GLI3: variants seen among roughly 807,000 people sequenced by gnomAD.
The protein encoded by GLI3 is transcription activator GLI3.
A neutral mutation model predicts 100.8 loss-of-function variants in GLI3; 20 were observed. That is an observed-to-expected ratio of 0.20 (90% CI 0.14 to 0.29). The LOEUF is 0.29. Ranked by LOEUF, GLI3 falls within the 10% of genes least tolerant of loss-of-function variation. GLI3 has a pLI of 1.00. For synonymous variants in GLI3, 938 were observed against 860.5 expected, an observed-to-expected ratio of 1.09 and a Z score of -1.58; for missense variants, 2,040 against 2,128.5, an observed-to-expected ratio of 0.96 and a Z score of 0.82.
At chr7:42,109,512 G>A (rs1367478939) in intron 3 of GLI3, among the ~76,000 whole-genome samples, 1 of 152,174 alleles carries the variant, frequency 6.6e-6, no homozygotes, top group Non-Finnish European at 1.5e-5. Flanking sequence ...TCCTGCCCTT[G>A]AAGCCACACA....
chr7:42,173,106 T>C (rs1211832506), intron 2 of GLI3, among the ~76,000 whole-genome samples: 2 of 152,208 alleles, frequency 1.3e-5, no homozygotes, highest in Non-Finnish European at 2.9e-5. Context: ...TTATGTTGCA[T>C]TCTCCCACAG....
At chr7:42,100,146 C>G (rs1367574524) in intron 3 of GLI3, among the ~76,000 whole-genome samples, 1 of 152,244 alleles carries the variant, frequency 6.6e-6, no homozygotes, top group Non-Finnish European at 1.5e-5. Flanking sequence ...CCAGTATTTT[C>G]TCACGGAGCT....
intron 7 of GLI3, among the ~76,000 whole-genome samples, chr7:42,037,931 T>C (rs1784051477): frequency 6.6e-6 from 1 of 152,230 alleles, no homozygotes; most frequent in African/African-American, 2.4e-5. Context: ...CATGACCATT[T>C]CTATACCATA....
Position 41,972,701 on chromosome 7 carries a change from G to A in GLI3, c.1813-74C>T, listed in dbSNP as rs1787398082. ...ATGCCCCAGCCCAAAAGTCCTTTAT[G>A]GTTGCTCATTACATTTTTAATCCTT... On this transcript the variant is annotated intron_variant, in intron 12 of 14. Transcript: ENST00000395925. The surrounding 1 kb of genome is among the most constrained non-coding windows in gnomAD (Gnocchi z 4.4). 1 of 1,236,774 alleles carries A rather than the reference G, an allele frequency of 8.1e-7. No homozygotes were observed. The highest frequency in any genetic ancestry group is 1.5e-5 in the African/African-American group (1 of 68,156). The allele number at this position is 1,236,774 out of a possible 1,614,324, so 76.6% of individuals were successfully genotyped here.
chr7:42,137,616 C>G (rs369626640), intron 3 of GLI3, among the ~76,000 whole-genome samples: 34 of 152,288 alleles, frequency 2.2e-4, no homozygotes, highest in Middle Eastern at 3.4e-3. Context: ...ACCCAAGTCT[C>G]TCTCTAGCAC....
chr7:42,132,676 T>A (rs1237112470), intron 3 of GLI3, among the ~76,000 whole-genome samples: 2 of 152,222 alleles, frequency 1.3e-5, no homozygotes, highest in Non-Finnish European at 2.9e-5. Context: ...AGAATTCTAG[T>A]AACATCTCTT....
chr7:42,119,292 C>T (rs563534681), intron 3 of GLI3, among the ~76,000 whole-genome samples: 18 of 152,192 alleles, frequency 1.2e-4, no homozygotes, highest in East Asian at 3.9e-4. Context: ...TTTCCTCGAC[C>T]GGTTTTTGAA....
intron 3 of GLI3, among the ~76,000 whole-genome samples, chr7:42,104,401 C>T (rs1045210951): frequency 1.3e-5 from 2 of 152,176 alleles, no homozygotes; most frequent in African/African-American, 4.8e-5. Flanking sequence ...CCCATCTCTA[C>T]AGTGGGTAAA....
chr7:42,006,663 G>T (rs934830816), intron 10 of GLI3, among the ~76,000 whole-genome samples: 23 of 152,126 alleles, frequency 1.5e-4, no homozygotes, highest in African/African-American at 5.6e-4. Context: ...GGACAGTAAG[G>T]TTTATTCCCA....
chr7:42,163,576 C>T (rs1400786645), intron 2 of GLI3, among the ~76,000 whole-genome samples: 1 of 151,954 alleles, frequency 6.6e-6, no homozygotes, highest in African/African-American at 2.4e-5. Flanking sequence ...TTACAGGCGC[C>T]CGCCAGCACA....
intron 2 of GLI3, among the ~76,000 whole-genome samples, chr7:42,201,091 C>G (rs1169275308): frequency 3.9e-5 from 6 of 152,198 alleles, no homozygotes; most frequent in African/African-American, 1.4e-4. Context: ...TAAATATATA[C>G]TTACGATACC....
intron 2 of GLI3, chr7:42,172,724 G>A (rs1334257356): frequency 1.5e-6 from 1 of 675,680 alleles, no homozygotes; most frequent in Non-Finnish European, 2.7e-6. Context: ...GTGGAGCTGA[G>A]AGTTTTCCGT....
chr7:41,995,540 G>C (rs1490179594), intron 10 of GLI3, among the ~76,000 whole-genome samples: 1 of 152,080 alleles, frequency 6.6e-6, no homozygotes, highest in South Asian at 2.1e-4. Context: ...GCATAGATAA[G>C]AACAAAATTC....
rs1477321587 is a variant in GLI3 at position 41,966,079 on chromosome 7, CG to C, written c.2993del (p.Pro998ArgfsTer5). ...GRRHLQPHDA[P>X]GHGVRRASDP... ...CGCTGGCCCTCCTCACGCCGTGGCC[CG>C]GCGCATCGTGCGGCTGCAGGTGGCG... On this transcript the variant is annotated frameshift_variant, in exon 15 of 15. Transcript: ENST00000395925. LOFTEE classifies it low-confidence loss of function (END_TRUNC). The surrounding 1 kb of genome is among the most constrained non-coding windows in gnomAD (Gnocchi z 5.8). 1 of 1,571,418 alleles carries C rather than the reference CG, an allele frequency of 6.4e-7. No individual in the cohort carries two copies. The highest frequency in any genetic ancestry group is 1.3e-5 in the African/African-American group (1 of 74,102).
At chr7:41,968,724 GAAAGAAAGAAAGA>G (rs1473351921) in intron 13 of GLI3, among the ~76,000 whole-genome samples, 1,667 of 103,316 alleles carry the variant, frequency 0.016, 38 homozygotes, top group African/African-American at 0.039. Context: ...AAGAAAGAAA[GAAAGAAAGAAAGA>G]AAGAAAGAAA....
chr7:42,112,029 G>A (rs1785720822), intron 3 of GLI3, among the ~76,000 whole-genome samples: 1 of 152,210 alleles, frequency 6.6e-6, no homozygotes, highest in Non-Finnish European at 1.5e-5. Context: ...CAGACACAGA[G>A]CTTGTGAAGG....
intron 2 of GLI3, among the ~76,000 whole-genome samples, chr7:42,175,201 T>C (rs1221645592): frequency 1.3e-5 from 2 of 152,164 alleles, no homozygotes; most frequent in Non-Finnish European, 2.9e-5. Flanking sequence ...GATTCACCAT[T>C]GATGCTAGCA....
At chr7:42,061,799 T>C (rs998687892) in intron 4 of GLI3, among the ~76,000 whole-genome samples, 3 of 152,212 alleles carry the variant, frequency 2.0e-5, no homozygotes, top group African/African-American at 7.2e-5. Context: ...AATTTGTCTA[T>C]ATTATTCAAC....
chr7:42,093,877 G>GA (rs937467311), intron 3 of GLI3, among the ~76,000 whole-genome samples: 6 of 152,094 alleles, frequency 3.9e-5, no homozygotes, highest in Admixed American at 1.3e-4. Flanking sequence ...CTCAGGAAGT[G>GA]AAAATCAGGA....
Sources: allele counts gnomAD v4.1 joint callset (sites outside exome capture counted in the v4.1 genomes callset), GRCh38; gene constraint gnomAD v4.1.1; non-coding constraint Gnocchi (gnomAD v3.1); transcripts MANE v1.5; gene names NCBI Gene and HGNC (gene_info 2026-07-23, HGNC 2026-07-21).